Variants in TANC2 observed in about 807,000 individuals in gnomAD.
TANC2 encodes the protein protein TANC2.
Under a neutral mutation model 210.5 loss-of-function variants are expected in TANC2, and 26 were observed. The ratio of observed to expected loss-of-function variants is 0.12; its 90% CI spans 0.09 to 0.17. TANC2 has a LOEUF of 0.17. Among genes scored for constraint, TANC2 ranks in the 10% least tolerant of loss-of-function variants. The probability of loss-of-function intolerance (pLI) is 1.00; values close to 1 mark genes in which losing one functional copy is unlikely to be tolerated. For synonymous variants in TANC2, 931 were observed against 967.1 expected, an observed-to-expected ratio of 0.96 and a Z score of 0.69; for missense variants, 2,129 against 2,608.9, an observed-to-expected ratio of 0.82 and a Z score of 4.01.
chr17:63,057,082 CATCTTGAGT>C (rs1052242861), intron 2 of TANC2, among the ~76,000 whole-genome samples: 1 of 151,960 alleles, frequency 6.6e-6, no homozygotes, highest in African/African-American at 2.4e-5. Flanking sequence ...CCAGCCTCAG[CATCTTGAGT>C]AGCTGGGACT....
At position 62,969,692 on chromosome 17, in the gene TANC2, AGTGTGTGT is replaced by A. The variant is rs143764403; in HGVS notation, c.-24+2956_-24+2963del. ...AAGTTAATTTCAAGTAGTTTAATAT[AGTGTGTGT>A]GTGTGTGTGTGTATATAAATACACA... On this transcript the variant is annotated intron_variant, in intron 1 of 27. Coordinates refer to ENST00000689528, the Ensembl canonical transcript of TANC2. Among the ~76,000 whole-genome samples the A allele has an allele frequency of 1.2e-4, 18 of 149,982 alleles. No homozygotes were observed. The East Asian group carries it at 3.1e-3, about 26-fold the overall frequency.
chr17:63,365,534 A>C (rs939646389), intron 14 of TANC2, among the ~76,000 whole-genome samples: 2 of 152,176 alleles, frequency 1.3e-5, no homozygotes, highest in African/African-American at 4.8e-5. Flanking sequence ...TCTTCCTGAA[A>C]ATCCTCCAGT....
At chr17:63,258,810 C>T (rs934255305) in intron 8 of TANC2, among the ~76,000 whole-genome samples, 3 of 152,178 alleles carry the variant, frequency 2.0e-5, no homozygotes, top group Non-Finnish European at 4.4e-5. Flanking sequence ...AACCCAGAAG[C>T]CCTCTTGGTG....
intron 1 of TANC2, among the ~76,000 whole-genome samples, chr17:62,995,293 A>G (rs184843452): frequency 2.5e-3 from 379 of 152,358 alleles, no homozygotes; most frequent in Admixed American, 8.4e-3. Flanking sequence ...GTGGACGAAC[A>G]AGGGACATAG....
chr17:63,237,052 C>A (rs2042639853), intron 7 of TANC2, among the ~76,000 whole-genome samples: 1 of 152,070 alleles, frequency 6.6e-6, no homozygotes, highest in Admixed American at 6.5e-5. Flanking sequence ...ATTTTTAGTT[C>A]TTTGAGAAAT....
intron 1 of TANC2, among the ~76,000 whole-genome samples, chr17:63,006,627 C>CT (rs1311113046): frequency 6.6e-6 from 1 of 152,122 alleles, no homozygotes; most frequent in African/African-American, 2.4e-5. Flanking sequence ...GGAATATACT[C>CT]TGAAAGATTT....
intron 5 of TANC2, among the ~76,000 whole-genome samples, chr17:63,173,063 C>G (rs2040457596): frequency 6.6e-6 from 1 of 152,124 alleles, no homozygotes; most frequent in African/African-American, 2.4e-5. Context: ...TCTGCCATAT[C>G]CACCACCTAA....
chr17:63,329,853 A>G (rs1408399231), intron 11 of TANC2, among the ~76,000 whole-genome samples: 1 of 152,190 alleles, frequency 6.6e-6, no homozygotes, highest in Non-Finnish European at 1.5e-5. Context: ...GTGTTCAAGT[A>G]AAAAGAAGAA....
chr17:63,413,478 C>A, intron 24 of TANC2, 65 bp from the exon 25 acceptor site: 2 of 1,311,630 alleles, frequency 1.5e-6, no homozygotes, highest in Non-Finnish European at 1.0e-6. Context: ...ATTTTTTTCA[C>A]CTAGCTTCCT....
At chr17:63,251,365 C>T (rs1345714689) in intron 8 of TANC2, among the ~76,000 whole-genome samples, 1 of 152,020 alleles carries the variant, frequency 6.6e-6, no homozygotes, top group Non-Finnish European at 1.5e-5. Context: ...AAATGATATA[C>T]AAATGGAAAA....
chr17:63,396,085 C>T (rs2048147075), intron 18 of TANC2, 157 bp downstream of exon 18: 2 of 690,370 alleles, frequency 2.9e-6, no homozygotes, highest in Non-Finnish European at 4.7e-6. Flanking sequence ...CCATGAAGCA[C>T]TTTACTCAAA....
chr17:63,313,893 T>C (rs139641116), intron 9 of TANC2, among the ~76,000 whole-genome samples: 45 of 152,354 alleles, frequency 3.0e-4, no homozygotes, highest in African/African-American at 9.6e-4. Flanking sequence ...TTGTGAAATA[T>C]TGAAATATGT....
chr17:63,093,829 G>A (rs558562098), intron 3 of TANC2, among the ~76,000 whole-genome samples: 1 of 152,006 alleles, frequency 6.6e-6, no homozygotes, highest in South Asian at 2.1e-4. Flanking sequence ...GCTCAGGCTG[G>A]TCTTAAACTC....
intron 2 of TANC2, among the ~76,000 whole-genome samples, chr17:63,009,987 C>T (rs1321875849): frequency 6.6e-6 from 1 of 152,062 alleles, no homozygotes; most frequent in Non-Finnish European, 1.5e-5. Context: ...ATAAAAATAA[C>T]TGTCCTCAAA....
chr17:63,073,728 TTTC>T (rs2036477877), intron 2 of TANC2, among the ~76,000 whole-genome samples: 1 of 152,100 alleles, frequency 6.6e-6, no homozygotes, highest in Admixed American at 6.6e-5. Flanking sequence ...ACACCTACAC[TTTC>T]TTAAGACTTC....
chr17:63,256,558 G>T (rs1413641089), intron 8 of TANC2, among the ~76,000 whole-genome samples: 2 of 152,176 alleles, frequency 1.3e-5, no homozygotes, highest in African/African-American at 4.8e-5. Flanking sequence ...AAAGAAGAAT[G>T]TCTATTCTGC....
At chr17:63,193,908 A>T in intron 5 of TANC2, 83 bp from the exon 6 acceptor site, 1 of 1,379,390 alleles carries the variant, frequency 7.2e-7, no homozygotes, top group Admixed American at 3.0e-5. Flanking sequence ...TAAAGAAATG[A>T]CCAAAGTGAA....
intron 2 of TANC2, among the ~76,000 whole-genome samples, chr17:63,069,554 A>G (rs1446186446): frequency 1.3e-5 from 2 of 152,232 alleles, no homozygotes; most frequent in African/African-American, 4.8e-5. Flanking sequence ...CAGAGAAATC[A>G]TCTAAAAATG....
intron 15 of TANC2, chr17:63,381,125 C>T (rs772679032): frequency 2.0e-5 from 3 of 152,184 alleles, no homozygotes; most frequent in Non-Finnish European, 4.4e-5. Flanking sequence ...GCCTTTGCTG[C>T]CCCATAAAAT....
Sources: gnomAD v4.1 joint callset for allele counts (sites outside exome capture counted in the v4.1 genomes callset) on GRCh38, gnomAD v4.1.1 for gene constraint, MANE v1.5 for transcripts, NCBI Gene and HGNC (gene_info 2026-07-23, HGNC 2026-07-21) for gene names.